Variants in KIT observed in about 807,000 individuals in gnomAD.
KIT encodes mast/stem cell growth factor receptor Kit.
Under a neutral mutation model 105.7 loss-of-function variants are expected in KIT, and 16 were observed. The observed-to-expected ratio is 0.15, with a 90% CI of 0.10 to 0.23. The LOEUF (loss-of-function observed/expected upper bound fraction) is 0.23, where lower values mean the gene tolerates loss of function less well. Among genes scored for constraint, KIT ranks in the 10% least tolerant of loss-of-function variants. The probability of loss-of-function intolerance (pLI) is 1.00; values close to 1 mark genes in which losing one functional copy is unlikely to be tolerated. For missense variants in KIT, 858 were observed against 1,213.8 expected (o/e 0.71, Z 4.36); for synonymous variants, 438 against 441.1 (o/e 0.99, Z 0.09).
chr4:54,727,717 A>G (rs915605492), intron 11 of KIT, 106 bp from the exon 12 acceptor site: 4 of 1,286,306 alleles, frequency 3.1e-6, no homozygotes, highest in African/African-American at 2.9e-5. Context: ...ATGTCTCTGG[A>G]CAACATTGTT....
intron 4 of KIT, among the ~76,000 whole-genome samples, chr4:54,700,634 G>T (rs1720397401): frequency 6.6e-6 from 1 of 152,248 alleles, no homozygotes; most frequent in African/African-American, 2.4e-5. Flanking sequence ...ACCCATGCAA[G>T]CATTATATTG....
intron 6 of KIT, among the ~76,000 whole-genome samples, chr4:54,709,188 C>G (rs899658392): frequency 2.0e-5 from 3 of 152,156 alleles, no homozygotes; most frequent in African/African-American, 7.2e-5. Context: ...TGTCAGGTTG[C>G]CTTTGTGCTT....
At chr4:54,738,274 A>G (rs1190257447) in intron 20 of KIT, among the ~76,000 whole-genome samples, 155 bp from the exon 21 acceptor site, 1 of 152,200 alleles carries the variant, frequency 6.6e-6, no homozygotes, top group Non-Finnish European at 1.5e-5. Context: ...TTGTTTTGTC[A>G]GTATGACTTG....
At chr4:54,727,146 T>G in intron 9 of KIT, 72 bp from the exon 10 acceptor site, 4 of 1,298,834 alleles carry the variant, frequency 3.1e-6, no homozygotes, top group African/African-American at 2.9e-5. Context: ...GGGGTCAGTT[T>G]GGGACTGAGT....
intron 7 of KIT, among the ~76,000 whole-genome samples, chr4:54,712,156 G>A (rs1004520295): frequency 6.6e-6 from 1 of 152,122 alleles, no homozygotes; most frequent in African/African-American, 2.4e-5. Context: ...TCTTTTCTAA[G>A]ATTCCCAATA....
intron 5 of KIT, among the ~76,000 whole-genome samples, chr4:54,706,654 CT>C (rs1446653461): frequency 6.6e-6 from 1 of 152,004 alleles, no homozygotes; most frequent in Middle Eastern, 3.2e-3. Flanking sequence ...GGTTATTTTT[CT>C]TCAAATACTA....
At chr4:54,666,836 A>T (rs1382630834) in intron 1 of KIT, among the ~76,000 whole-genome samples, 1 of 152,216 alleles carries the variant, frequency 6.6e-6, no homozygotes, top group Non-Finnish European at 1.5e-5. Context: ...TTTCTCATAA[A>T]TGCTGAATAG....
At chr4:54,690,870 AAAG>A (rs1719662015) in intron 1 of KIT, among the ~76,000 whole-genome samples, 2 of 152,268 alleles carry the variant, frequency 1.3e-5, no homozygotes, top group South Asian at 4.1e-4. Flanking sequence ...ACAATTTAAA[AAAG>A]AGAATAAACA....
At chr4:54,702,503 A>G (rs1236587764) in intron 4 of KIT, among the ~76,000 whole-genome samples, 2 of 152,074 alleles carry the variant, frequency 1.3e-5, no homozygotes, top group African/African-American at 4.8e-5. Flanking sequence ...TATAAATGCT[A>G]TATAGTCTGC....
intron 7 of KIT, among the ~76,000 whole-genome samples, chr4:54,721,111 A>G (rs1282437848): frequency 6.6e-6 from 1 of 152,174 alleles, no homozygotes; most frequent in African/African-American, 2.4e-5. Context: ...TAGGAGTCAC[A>G]AGTATACTCA....
chr4:54,729,526 G>C (rs2109787553), intron 14 of KIT, 41 bp downstream of exon 14: 1 of 1,599,166 alleles, frequency 6.3e-7, no homozygotes, highest in South Asian at 1.1e-5. Context: ...TTGACAGGCA[G>C]TTCATGGGGT....
intron 14 of KIT, among the ~76,000 whole-genome samples, chr4:54,730,404 A>T (rs748872605): frequency 6.6e-6 from 1 of 152,152 alleles, no homozygotes; most frequent in Non-Finnish European, 1.5e-5. Flanking sequence ...AATATTATTG[A>T]TGGGCAATTA....
At chr4:54,687,452 TAAA>T (rs939761477) in intron 1 of KIT, among the ~76,000 whole-genome samples, 1 of 151,114 alleles carries the variant, frequency 6.6e-6, no homozygotes, top group Non-Finnish European at 1.5e-5. Flanking sequence ...AAAAAAAAAA[TAAA>T]AAAAAGACTT....
chr4:54,687,372 A>G (rs932561016), intron 1 of KIT, among the ~76,000 whole-genome samples: 2 of 152,052 alleles, frequency 1.3e-5, no homozygotes, highest in African/African-American at 4.8e-5. Flanking sequence ...CAGGAGGCAG[A>G]GGCTGTAGTG....
chr4:54,723,488 G>A, intron 7 of KIT, 96 bp from the exon 8 acceptor site: 1 of 804,726 alleles, frequency 1.2e-6, no homozygotes, highest in Middle Eastern at 2.3e-4. Flanking sequence ...CTACTCAGCA[G>A]CCTCAGGAAG....
At chr4:54,719,164 A>G (rs1219769290) in intron 7 of KIT, among the ~76,000 whole-genome samples, 1 of 152,212 alleles carries the variant, frequency 6.6e-6, no homozygotes, top group Non-Finnish European at 1.5e-5. Flanking sequence ...TGATTATAAA[A>G]TATGGGCAAA....
In KIT at chr4:54,716,081, C is replaced by G. The variant is rs145264517; in HGVS notation, c.1231+6542C>G. Among the ~76,000 whole-genome samples, 23 of 152,308 alleles carry G rather than the reference C, an allele frequency of 1.5e-4. No individual in the cohort carries two copies. The Middle Eastern group carries it at 0.01, about 68-fold the overall frequency. On this transcript the variant is annotated intron_variant, in intron 7 of 20. Transcript: ENST00000288135. ...CAAACACATGCGCGTCCAAACCATA[C>G]TTGTGTTAGAGGCCACAAATTTGAA...
At chr4:54,670,728 C>T (rs1317369700) in intron 1 of KIT, among the ~76,000 whole-genome samples, 5 of 152,158 alleles carry the variant, frequency 3.3e-5, no homozygotes, top group African/African-American at 7.2e-5. Flanking sequence ...CAAAGCCAGT[C>T]ATAAAACCTA....
intron 11 of KIT, 41 bp downstream of exon 11, chr4:54,727,583 T>TG (rs1180015317): frequency 1.2e-6 from 2 of 1,613,166 alleles, no homozygotes; most frequent in African/African-American, 2.7e-5. Flanking sequence ...CCTTTTTGGG[T>TG]ACACATAACA....
Sources: gnomAD v4.1 joint callset for allele counts (sites outside exome capture counted in the v4.1 genomes callset) on GRCh38, gnomAD v4.1.1 for gene constraint, MANE v1.5 for transcripts, NCBI Gene and HGNC (gene_info 2026-07-23, HGNC 2026-07-21) for gene names.